PFKFB4: variants seen among roughly 807,000 people sequenced by gnomAD.
PFKFB4 encodes 6-phosphofructo-2-kinase/fructose-2,6-biphosphatase 4.
In PFKFB4, 42 loss-of-function variants were observed where a neutral mutation model predicts 62.8. The ratio of observed to expected loss-of-function variants is 0.67; its 90% CI spans 0.52 to 0.86. The LOEUF is 0.86. Among genes scored for constraint, PFKFB4 ranks in the 40% least tolerant of loss-of-function variants. The pLI is 0.00. For synonymous variants in PFKFB4, 204 were observed against 240.7 expected, an observed-to-expected ratio of 0.85 and a Z score of 1.41; for missense variants, 475 against 627.2, an observed-to-expected ratio of 0.76 and a Z score of 2.59.
chr3:48,538,406 AGCC>A, intron 7 of PFKFB4, 89 bp downstream of exon 7: 1 of 1,501,330 alleles, frequency 6.7e-7, no homozygotes, highest in South Asian at 1.2e-5. Flanking sequence ...TTGGTCCTCC[AGCC>A]ACCACCATGG....
intron 9 of PFKFB4, among the ~76,000 whole-genome samples, chr3:48,531,490 G>A (rs1232577359): frequency 1.3e-5 from 2 of 150,072 alleles, no homozygotes; most frequent in African/African-American, 4.9e-5. Context: ...ACCCAGGCTG[G>A]AGTGCAGTGG....
upstream of PFKFB4, chr3:48,557,096 A>G: frequency 3.1e-6 from 2 of 644,094 alleles, no homozygotes; most frequent in Non-Finnish European, 2.2e-6. Flanking sequence ...CGGATTGTGC[A>G]GGCCCGCCCC....
In PFKFB4 at chr3:48,518,185, G is replaced by C. The variant is rs1166673853; in HGVS notation, c.*1562C>G. The C allele has an allele frequency of 1.3e-5, 2 of 152,360 alleles. No homozygotes were observed. Among genetic ancestry groups the C allele is most frequent in the African/African-American group, 4.8e-5 (2 of 41,480 alleles). 9.4% of individuals were successfully genotyped at this position (152,360 alleles called of 1,614,324 possible). A position where few individuals can be genotyped will look rare whatever the true frequency, so the allele number is the denominator to read the frequency against. On this transcript the variant is annotated 3_prime_UTR_variant, in exon 14 of 14. Transcript: ENST00000232375. ...GGGCTCTGGGTCTAAAGGGCTTGGG[G>C]CTCTGACAGATGAGTCTGGAAGGAT...
chr3:48,562,845 C>T (rs772651953), upstream of PFKFB4: 7 of 1,585,016 alleles, frequency 4.4e-6, no homozygotes, highest in South Asian at 6.9e-5. The surrounding 1 kb of genome is among the most constrained non-coding windows in gnomAD (Gnocchi z 4.3). Flanking sequence ...TCCCTGGCAG[C>T]CCTGGCCCGG....
chr3:48,549,667 A>G (rs1237646815), intron 3 of PFKFB4, among the ~76,000 whole-genome samples, 197 bp downstream of exon 3: 1 of 151,720 alleles, frequency 6.6e-6, no homozygotes, highest in Non-Finnish European at 1.5e-5. Flanking sequence ...ATCCTGAGAG[A>G]TCCAGAGACC....
intron 7 of PFKFB4, among the ~76,000 whole-genome samples, chr3:48,537,383 GC>G (rs1390334761): frequency 6.6e-6 from 1 of 152,070 alleles, no homozygotes; most frequent in African/African-American, 2.4e-5. Flanking sequence ...CCATAGAGAG[GC>G]CCAGGTGGCA....
At chr3:48,555,444 A>G (rs1178417848) in intron 1 of PFKFB4, among the ~76,000 whole-genome samples, 1 of 152,212 alleles carries the variant, frequency 6.6e-6, no homozygotes, top group African/African-American at 2.4e-5. Context: ...CTTATCATAC[A>G]TAAGCAGAGG....
chr3:48,539,668 G>A lies in PFKFB4; in HGVS notation c.453+29C>T, dbSNP rs374737040. ...AGGGCAGGGGACATGCCACAGTTCC[G>A]CCAAGGAGAGGAGCCAAGGAGGCCT... On this transcript the variant is annotated intron_variant, in intron 5 of 13. Coordinates refer to ENST00000232375, the MANE Select transcript of PFKFB4 (RefSeq NM_004567.4). 2,462 of 1,578,890 alleles carry A rather than the reference G, an allele frequency of 1.6e-3. 55 individuals carry two copies. The South Asian group carries it at 0.026, about 17-fold the overall frequency.
At chr3:48,527,459 T>G (rs1039800687) in intron 9 of PFKFB4, among the ~76,000 whole-genome samples, 9 of 151,964 alleles carry the variant, frequency 5.9e-5, no homozygotes, top group African/African-American at 2.2e-4. Context: ...AACACATATT[T>G]TGGTACCAGG....
intron 9 of PFKFB4, among the ~76,000 whole-genome samples, chr3:48,533,664 G>A (rs1231740121): frequency 6.6e-6 from 1 of 152,158 alleles, no homozygotes; most frequent in African/African-American, 2.4e-5. Context: ...AGACCAGCCT[G>A]GCCAACGTGG....
intron 6 of PFKFB4, 22 bp from the exon 7 acceptor site, chr3:48,538,641 A>T: frequency 6.2e-7 from 1 of 1,614,014 alleles, no homozygotes. Context: ...AGGCACAGAG[A>T]AAGGACATAT....
upstream of PFKFB4, among the ~76,000 whole-genome samples, chr3:48,557,819 G>A (rs1006406708): frequency 6.6e-6 from 1 of 152,170 alleles, no homozygotes; most frequent in African/African-American, 2.4e-5. Context: ...TTACAGGCGT[G>A]AGCCACCGCG....
rs2042033441 is a variant in PFKFB4, at chr3:48,519,758, C to T, written c.1399G>A (p.Ala467Thr). 5.0e-6 allele frequency: 8 copies of T among 1,612,832 alleles called. No individual in the cohort carries two copies. The highest frequency in any genetic ancestry group is 5.1e-6 in the Non-Finnish European group (6 of 1,179,046). The change falls in exon 14 of 14, where the codon GCT (alanine) becomes ACT (threonine). Residue 467 changes from alanine (A) to threonine (T), a missense_variant. Transcript: ENST00000232375. ...PPEEALVTVP[A>T]HQ The stretch of plus-strand genomic sequence containing the variant: ...GTGGATGAACATGGTCACTGGTGAG[C>T]AGGCACCGTGACAAGGGCTTCCTCT...
intron 10 of PFKFB4, among the ~76,000 whole-genome samples, chr3:48,524,613 C>T (rs1007915487): frequency 5.3e-5 from 8 of 152,158 alleles, no homozygotes; most frequent in Non-Finnish European, 1.2e-4. Context: ...TTCTCCTGAC[C>T]GTTATCTGGG....
At chr3:48,558,168 C>G (rs2043375971), upstream of PFKFB4, among the ~76,000 whole-genome samples, 3 of 152,084 alleles carry the variant, frequency 2.0e-5, no homozygotes, top group South Asian at 6.2e-4. Flanking sequence ...GGACAAGGAA[C>G]AAGGGAGAGA....
At chr3:48,545,159 T>G (rs2042923480) in intron 3 of PFKFB4, among the ~76,000 whole-genome samples, 1 of 151,880 alleles carries the variant, frequency 6.6e-6, no homozygotes, top group Non-Finnish European at 1.5e-5. Context: ...TGAGACAGAG[T>G]CTCACTTTGT....
intron 9 of PFKFB4, among the ~76,000 whole-genome samples, chr3:48,534,596 A>G (rs2042530201): frequency 6.6e-6 from 1 of 151,606 alleles, no homozygotes; most frequent in Admixed American, 6.6e-5. Context: ...GCTTGAGCCC[A>G]GGAAGTTGAG....
At chr3:48,560,841 C>T (rs1329994195), upstream of PFKFB4, among the ~76,000 whole-genome samples, 2 of 152,086 alleles carry the variant, frequency 1.3e-5, no homozygotes, top group Admixed American at 6.5e-5. Context: ...TGGAGGAAGA[C>T]ACTATTTATA....
chr3:48,543,008 A>T (rs2042846211), intron 4 of PFKFB4, among the ~76,000 whole-genome samples: 1 of 152,174 alleles, frequency 6.6e-6, no homozygotes, highest in Non-Finnish European at 1.5e-5. Context: ...GCTGTGCTAC[A>T]GGCACAGATT....
Sources: allele counts gnomAD v4.1 joint callset (sites outside exome capture counted in the v4.1 genomes callset), GRCh38; gene constraint gnomAD v4.1.1; non-coding constraint Gnocchi (gnomAD v3.1); transcripts MANE v1.5; gene names NCBI Gene and HGNC (gene_info 2026-07-23, HGNC 2026-07-21).